Variants in SRPK2 observed in about 807,000 individuals in gnomAD.
The protein encoded by SRPK2 is SFRS protein kinase 2.
A neutral mutation model predicts 90.8 loss-of-function variants in SRPK2; 21 were observed. The ratio of observed to expected loss-of-function variants is 0.23; its 90% CI spans 0.16 to 0.33. The LOEUF (loss-of-function observed/expected upper bound fraction) is 0.33. SRPK2 is among the 10% of genes least tolerant of loss of function. The probability of loss-of-function intolerance (pLI) is 1.00; values close to 1 mark genes in which losing one functional copy is unlikely to be tolerated. For missense variants in SRPK2, 620 were observed against 869.0 expected (o/e 0.71, Z 3.60); for synonymous variants, 288 against 311.1 (o/e 0.93, Z 0.78).
chr7:105,303,086 G>A (rs376488371), intron 2 of SRPK2, among the ~76,000 whole-genome samples: 2 of 151,784 alleles, frequency 1.3e-5, no homozygotes, highest in African/African-American at 4.8e-5. Flanking sequence ...AAAAAAAGGT[G>A]GGGGGGAGAA....
intron 2 of SRPK2, among the ~76,000 whole-genome samples, chr7:105,248,628 A>AC: frequency 6.6e-6 from 1 of 151,844 alleles, no homozygotes; most frequent in Non-Finnish European, 1.5e-5. Context: ...AAACAAACAA[A>AC]AAAGATTTGA....
intron 2 of SRPK2, chr7:105,244,830 T>C (rs1801375248): frequency 1.0e-6 from 1 of 995,542 alleles, no homozygotes; most frequent in African/African-American, 1.6e-5. Context: ...GCCAAGGAGT[T>C]ACTGAAAGGT....
chr7:105,169,085 G>T, intron 4 of SRPK2, 72 bp downstream of exon 4: 1 of 1,352,164 alleles, frequency 7.4e-7, no homozygotes, highest in Non-Finnish European at 1.1e-6. Flanking sequence ...GTGACCCTCA[G>T]CCATACCTTC....
rs190522273 is a variant in SRPK2 at position 105,351,838 on chromosome 7, G to T, written c.71+36810C>A. ...AAAAAAAGAAGAAGAAGAAGAAGAA[G>T]AAATAAATAACCCAGTCTCAGAAAT... On this transcript the variant is annotated intron_variant, in intron 2 of 15. Transcript: ENST00000393651. Among the ~76,000 whole-genome samples the T allele has an allele frequency of 9.6e-4, 140 of 145,396 alleles. 1 individual carries two copies. The highest frequency in any genetic ancestry group is 3.6e-3 in the African/African-American group (135 of 37,466).
chr7:105,221,189 C>A (rs1798052438), intron 2 of SRPK2, among the ~76,000 whole-genome samples: 1 of 152,142 alleles, frequency 6.6e-6, no homozygotes, highest in Non-Finnish European at 1.5e-5. Flanking sequence ...TAAGTCAAGT[C>A]ATTATGAGGG....
intron 2 of SRPK2, among the ~76,000 whole-genome samples, chr7:105,308,841 A>G (rs1047202023): frequency 3.3e-5 from 5 of 152,198 alleles, no homozygotes; most frequent in Admixed American, 6.5e-5. Context: ...CACGAAAACT[A>G]AACAGGATTT....
chr7:105,336,475 T>G (rs1815103080), intron 2 of SRPK2, among the ~76,000 whole-genome samples: 1 of 152,206 alleles, frequency 6.6e-6, no homozygotes, highest in South Asian at 2.1e-4. Flanking sequence ...GTACCAGTTT[T>G]TCAGAATATT....
chr7:105,369,125 TTTATTATTATTATTATTATTA>T (rs10593124), intron 2 of SRPK2, among the ~76,000 whole-genome samples: 5 of 143,322 alleles, frequency 3.5e-5, no homozygotes, highest in South Asian at 2.2e-4. Context: ...CAAGATTTAT[TTTATTATTATTATTATTATTA>T]TTATTATTAT....
At chr7:105,145,953 G>C (rs1804559890) in intron 8 of SRPK2, among the ~76,000 whole-genome samples, 1 of 152,104 alleles carries the variant, frequency 6.6e-6, no homozygotes, top group Non-Finnish European at 1.5e-5. Flanking sequence ...GTGTCGAAGA[G>C]TGAGAAGCAC....
chr7:105,240,562 AAATT>A (rs1800674956), intron 2 of SRPK2, among the ~76,000 whole-genome samples: 1 of 152,158 alleles, frequency 6.6e-6, no homozygotes, highest in Admixed American at 6.6e-5. Context: ...TCCTGGACAG[AAATT>A]AGGGGGCAGT....
intron 2 of SRPK2, among the ~76,000 whole-genome samples, chr7:105,220,396 G>A (rs577684076): frequency 9.9e-5 from 15 of 151,958 alleles, no homozygotes; most frequent in Admixed American, 2.0e-4. Flanking sequence ...GCGTGGTGGC[G>A]CACACCTGTA....
At chr7:105,269,461 C>T (rs1001170236) in intron 2 of SRPK2, among the ~76,000 whole-genome samples, 17 of 152,172 alleles carry the variant, frequency 1.1e-4, no homozygotes, top group African/African-American at 4.1e-4. Context: ...CCTAACTCCT[C>T]TAGAAAGAGA....
At chr7:105,124,128 C>A (rs1280232651) in intron 15 of SRPK2, among the ~76,000 whole-genome samples, 3 of 152,238 alleles carry the variant, frequency 2.0e-5, no homozygotes, top group Non-Finnish European at 4.4e-5. Context: ...CACACGCAGG[C>A]CGCTCTCACT....
chr7:105,233,912 C>G (rs1799825208), intron 2 of SRPK2, among the ~76,000 whole-genome samples: 1 of 151,822 alleles, frequency 6.6e-6, no homozygotes, highest in South Asian at 2.1e-4. Flanking sequence ...TTTTTGGAAA[C>G]TATTACAAGA....
intron 2 of SRPK2, among the ~76,000 whole-genome samples, chr7:105,352,586 T>C (rs970941312): frequency 1.3e-5 from 2 of 152,226 alleles, no homozygotes; most frequent in African/African-American, 4.8e-5. Flanking sequence ...CAGTAACTTG[T>C]TATGTGGTAA....
At chr7:105,215,023 G>A (rs979572189) in intron 2 of SRPK2, among the ~76,000 whole-genome samples, 1 of 152,222 alleles carries the variant, frequency 6.6e-6, no homozygotes, top group African/African-American at 2.4e-5. Flanking sequence ...TGAGGGTCCA[G>A]AGATAAAGCC....
At chr7:105,228,036 C>A (rs1798937701) in intron 2 of SRPK2, among the ~76,000 whole-genome samples, 1 of 151,808 alleles carries the variant, frequency 6.6e-6, no homozygotes, top group African/African-American at 2.4e-5. Flanking sequence ...TGGTGAAAAC[C>A]AATATCCTAA....
upstream of SRPK2, chr7:105,389,485 C>CT: frequency 9.5e-7 from 1 of 1,051,644 alleles, no homozygotes; most frequent in Non-Finnish European, 1.2e-6. Flanking sequence ...TCTCCCACCT[C>CT]TAAGTGCCCT....
chr7:105,317,399 G>A (rs568673113), intron 2 of SRPK2, among the ~76,000 whole-genome samples: 5 of 152,306 alleles, frequency 3.3e-5, no homozygotes, highest in Non-Finnish European at 2.9e-5. Context: ...TGCTAAAATG[G>A]GAAGTATTCC....
Sources: gnomAD v4.1 joint callset for allele counts (sites outside exome capture counted in the v4.1 genomes callset) on GRCh38, gnomAD v4.1.1 for gene constraint, MANE v1.5 for transcripts, NCBI Gene and HGNC (gene_info 2026-07-23, HGNC 2026-07-21) for gene names.